LRP1B: variants seen among roughly 807,000 people sequenced by gnomAD.
LRP1B encodes low-density lipoprotein receptor-related protein 1B.
In LRP1B, 217 loss-of-function variants were observed where a neutral mutation model predicts 556.6. That is an observed-to-expected ratio of 0.39 (90% confidence interval 0.35 to 0.44). The LOEUF (loss-of-function observed/expected upper bound fraction) is 0.44. Among genes scored for constraint, LRP1B ranks in the 20% least tolerant of loss-of-function variants. LRP1B has a pLI of 1.00. For synonymous variants in LRP1B, 2,047 were observed against 1,865.8 expected, an observed-to-expected ratio of 1.10 and a Z score of -2.50; for missense variants, 5,053 against 5,620.8, an observed-to-expected ratio of 0.90 and a Z score of 3.23.
chr2:142,065,471 C>T (rs975625579), intron 1 of LRP1B, among the ~76,000 whole-genome samples: 1 of 151,112 alleles, frequency 6.6e-6, no homozygotes, highest in Admixed American at 6.6e-5. Flanking sequence ...CCCTCTGACT[C>T]TCTTGTTCTG....
At chr2:140,979,855 G>T (rs998147598) in intron 18 of LRP1B, among the ~76,000 whole-genome samples, 1 of 151,998 alleles carries the variant, frequency 6.6e-6, no homozygotes, top group Non-Finnish European at 1.5e-5. Context: ...GTTTCTAAAA[G>T]TCTCTAAGTT....
At chr2:140,386,996 C>T (rs1683787192) in intron 66 of LRP1B, among the ~76,000 whole-genome samples, 1 of 152,026 alleles carries the variant, frequency 6.6e-6, no homozygotes, top group African/African-American at 2.4e-5. Flanking sequence ...AATAATATTG[C>T]CTTTTGTCTA....
At chr2:141,058,847 C>T (rs372436226) in intron 9 of LRP1B, 36 bp downstream of exon 9, 1 of 1,523,358 alleles carries the variant, frequency 6.6e-7, no homozygotes. Context: ...ATTCAATCTA[C>T]CATTAGGAAG....
In LRP1B at chr2:141,020,004, C is replaced by A. The variant is rs868652515; in HGVS notation, c.1888G>T (p.Glu630Ter). The change falls in exon 12 of 91, where the codon GAA (glutamate) becomes TAA (stop). Residue 630 changes from glutamate (E) to a stop codon, truncating the protein, a stop_gained. Transcript: ENST00000389484. LOFTEE classifies it high-confidence loss of function. ...GTCTTCCGACTCTGAGAAGCTTTTT[C>A]CAGCCTGGCCACATTAATGGTTTTC... ...HRKTINVARL[E>*]KASQSRKTLL... The A allele has an allele frequency of 6.2e-7, 1 of 1,611,906 alleles. No homozygotes were observed. Among genetic ancestry groups the A allele is most frequent in the Non-Finnish European group, 8.5e-7 (1 of 1,178,598 alleles).
chr2:140,476,673 A>C (rs2105349947), intron 59 of LRP1B, among the ~76,000 whole-genome samples: 1 of 152,154 alleles, frequency 6.6e-6, no homozygotes, highest in Admixed American at 6.5e-5. Flanking sequence ...ATAATACAAA[A>C]GTTATTTGAT....
At chr2:141,629,255 G>C (rs1688819031) in intron 2 of LRP1B, among the ~76,000 whole-genome samples, 1 of 152,134 alleles carries the variant, frequency 6.6e-6, no homozygotes, top group African/African-American at 2.4e-5. Context: ...GAAAGGAGGG[G>C]TACAAGGAAG....
intron 66 of LRP1B, among the ~76,000 whole-genome samples, chr2:140,391,772 C>A (rs1317161514): frequency 2.0e-5 from 3 of 152,044 alleles, no homozygotes; most frequent in Non-Finnish European, 4.4e-5. Flanking sequence ...AAAAAAAGTA[C>A]ATACAAAGTA....
chr2:141,029,304 T>C (rs558842377), intron 11 of LRP1B, among the ~76,000 whole-genome samples: 30 of 152,234 alleles, frequency 2.0e-4, no homozygotes, highest in African/African-American at 7.0e-4. Flanking sequence ...GATAAGGTGG[T>C]CCCTTACTGT....
At chr2:142,060,610 T>A (rs529273500) in intron 1 of LRP1B, among the ~76,000 whole-genome samples, 24 of 152,028 alleles carry the variant, frequency 1.6e-4, no homozygotes, top group Non-Finnish European at 2.4e-4. Context: ...GTCTTATATA[T>A]CTTTGAGGGC....
chr2:140,572,453 T>C lies in LRP1B; in HGVS notation c.7194+26178A>G, dbSNP rs1042510707. On this transcript the variant is annotated intron_variant, in intron 43 of 90. Transcript: ENST00000389484. ...ATCAAAACCAAAATAAGATATCATCTCACCCCAGTTAGGAAGGCTATTATC... is the reference window on the plus strand; with the variant it reads ...ATCAAAACCAAAATAAGATATCATCCCACCCCAGTTAGGAAGGCTATTATC... Among the ~76,000 whole-genome samples the C allele has an allele frequency of 5.9e-5, 9 of 151,732 alleles. No homozygotes were observed. The South Asian group carries it at 6.2e-4, about 10-fold the overall frequency.
chr2:141,037,554 T>C (rs191856078), intron 11 of LRP1B, among the ~76,000 whole-genome samples: 312 of 152,080 alleles, frequency 2.1e-3, no homozygotes, highest in African/African-American at 7.0e-3. Flanking sequence ...TTCTATAGGA[T>C]AGTAGGCAGG....
intron 1 of LRP1B, among the ~76,000 whole-genome samples, chr2:141,910,082 A>C (rs1474541066): frequency 2.0e-5 from 3 of 148,894 alleles, no homozygotes; most frequent in African/African-American, 5.0e-5. Flanking sequence ...ATTTGTCTGC[A>C]GTGAGCGTAG....
At chr2:140,422,431 A>G (rs1685485176) in intron 66 of LRP1B, among the ~76,000 whole-genome samples, 1 of 152,202 alleles carries the variant, frequency 6.6e-6, no homozygotes, top group Non-Finnish European at 1.5e-5. Flanking sequence ...AACACATTAT[A>G]TGACTAAATA....
chr2:141,188,710 A>G (rs1046409894), intron 6 of LRP1B, 127 bp from the exon 7 acceptor site: 20 of 741,786 alleles, frequency 2.7e-5, no homozygotes, highest in South Asian at 1.0e-4. Context: ...TTATGAAAAG[A>G]AACTGCAAAG....
intron 41 of LRP1B, among the ~76,000 whole-genome samples, chr2:140,614,505 A>T (rs751849484): frequency 6.6e-6 from 1 of 152,154 alleles, no homozygotes; most frequent in East Asian, 1.9e-4. Context: ...TCAGGGAAAA[A>T]TAGATTGAAT....
In LRP1B at chr2:141,017,337, G is replaced by A. The variant is rs150604236; in HGVS notation, c.1971-1422C>T. ...TTTCTTATATACAGTTAATCAATAC[G>A]GTTTTATTTTTGTTCATTTATAACA... On this transcript the variant is annotated intron_variant, in intron 12 of 90. Transcript: ENST00000389484. 1.3e-3 allele frequency among the ~76,000 whole-genome samples: 198 copies of A among 151,218 alleles called. 1 individual carries two copies. The highest frequency in any genetic ancestry group is 2.3e-3 in the Non-Finnish European group (153 of 67,816).
chr2:141,690,723 G>T (rs1446327006), intron 2 of LRP1B, among the ~76,000 whole-genome samples: 1 of 151,114 alleles, frequency 6.6e-6, no homozygotes, highest in Non-Finnish European at 1.5e-5. Flanking sequence ...GTGTCAAATT[G>T]TGATATAAAA....
At chr2:140,812,049 T>C (rs1690946050) in intron 32 of LRP1B, among the ~76,000 whole-genome samples, 1 of 152,004 alleles carries the variant, frequency 6.6e-6, no homozygotes, top group Non-Finnish European at 1.5e-5. Context: ...AGAAAAAATA[T>C]ATAAGTAAAA....
intron 1 of LRP1B, among the ~76,000 whole-genome samples, chr2:141,921,910 C>T (rs952059358): frequency 1.3e-5 from 2 of 152,004 alleles, no homozygotes; most frequent in Admixed American, 1.3e-4. Flanking sequence ...ACACATTTTT[C>T]TTTTACATTA....
Sources: allele counts gnomAD v4.1 joint callset (sites outside exome capture counted in the v4.1 genomes callset), GRCh38; gene constraint gnomAD v4.1.1; transcripts MANE v1.5; gene names NCBI Gene and HGNC (gene_info 2026-07-23, HGNC 2026-07-21).